Variants in MORC4 observed in about 807,000 individuals in gnomAD.
MORC4 encodes MORC family CW-type zinc finger protein 4.
Under a neutral mutation model 65.5 loss-of-function variants are expected in MORC4, and 22 were observed. The observed-to-expected ratio is 0.34, with a 90% confidence interval of 0.24 to 0.48. The LOEUF is 0.48. Among genes scored for constraint, MORC4 ranks in the 20% least tolerant of loss-of-function variants. The pLI, the probability that MORC4 is intolerant of heterozygous loss-of-function variation, is 0.99. For synonymous variants in MORC4, 267 were observed against 255.8 expected, an observed-to-expected ratio of 1.04 and a Z score of -0.42; for missense variants, 624 against 703.0, an observed-to-expected ratio of 0.89 and a Z score of 1.27.
rs1934065523 is a variant in MORC4, at chrX:106,954,874, A to G, written c.1685+39T>C. ...CTTACTCTACAGGAAAACAGACTCT[A>G]AAGCTTACTATTGACAAGAGATCAT... On this transcript the variant is annotated intron_variant, in intron 14 of 16. Coordinates refer to ENST00000355610, the MANE Select transcript of MORC4 (RefSeq NM_024657.5). 6 of 1,161,961 alleles carry G rather than the reference A, an allele frequency of 5.2e-6. No homozygotes were observed. In the East Asian group the frequency reaches 1.8e-4, roughly 35 times the overall value.
rs774384569 is a variant in MORC4 at position 106,958,470 on chromosome X, T to C, written c.1257-6A>G. The C allele has an allele frequency of 8.4e-7, 1 of 1,197,099 alleles. No individual in the cohort carries two copies. Among genetic ancestry groups the C allele is most frequent in the East Asian group, 3.0e-5 (1 of 33,266 alleles). On this transcript the variant is annotated splice_polypyrimidine_tract_variant and splice_region_variant and intron_variant, in intron 10 of 16. Coordinates refer to ENST00000355610, the MANE Select transcript of MORC4 (RefSeq NM_024657.5). ...ATGTCTGGTCAGGAACCTTCCTGAATGAAGGAAAATGGAAGTGTGACTGTG... is the reference window on the plus strand; with the variant it reads ...ATGTCTGGTCAGGAACCTTCCTGAACGAAGGAAAATGGAAGTGTGACTGTG...
chrX:106,955,351 C>A (rs765820733), intron 13 of MORC4, among the ~76,000 whole-genome samples: 2 of 109,803 alleles, frequency 1.8e-5, no homozygotes, highest in Non-Finnish European at 3.8e-5. Flanking sequence ...CAATATAAAC[C>A]CAGGCCCCCT....
intron 2 of MORC4, among the ~76,000 whole-genome samples, chrX:106,999,207 T>TCC (rs1935132098): frequency 9.0e-6 from 1 of 110,996 alleles, no homozygotes; most frequent in South Asian, 3.9e-4. Context: ...TTAAGAGATG[T>TCC]CCCATCATTC....
At chrX:106,985,681 A>G in intron 4 of MORC4, among the ~76,000 whole-genome samples, 1 of 91,541 alleles carries the variant, frequency 1.1e-5, no homozygotes, top group African/African-American at 6.2e-5. Flanking sequence ...CCTTAGGGGA[A>G]AAAAAAAAAA....
intron 2 of MORC4, among the ~76,000 whole-genome samples, chrX:106,998,017 G>C (rs1353852069): frequency 8.9e-6 from 1 of 112,334 alleles, no homozygotes; most frequent in Non-Finnish European, 1.9e-5. Context: ...TCCCCTACTA[G>C]AAGAGTGAAT....
In MORC4 at chrX:106,942,201, C is replaced by T; in HGVS notation, c.2397G>A (p.Glu799=). The T allele has an allele frequency of 8.3e-7, 1 of 1,206,633 alleles. No homozygotes were observed. Among genetic ancestry groups the T allele is most frequent in the Non-Finnish European group, 1.1e-6 (1 of 892,305 alleles). ...FQQKVEELEQ[E]RNHWQSEFKK... is the part of the protein sequence containing the mutation. ...TGAATTCAGACTGCCAGTGATTCCTCTCCTGTTCCAGCTCCTCCACCTGCA... is the reference window on the plus strand; with the variant it reads ...TGAATTCAGACTGCCAGTGATTCCTTTCCTGTTCCAGCTCCTCCACCTGCA... Residue 799 remains glutamate, a synonymous_variant, in exon 16 of 17, where the codon GAG becomes GAA. Coordinates refer to ENST00000355610, the MANE Select transcript of MORC4 (RefSeq NM_024657.5).
intron 7 of MORC4, among the ~76,000 whole-genome samples, 183 bp downstream of exon 7, chrX:106,980,708 T>C (rs1246423433): frequency 1.8e-5 from 2 of 111,519 alleles, no homozygotes; most frequent in African/African-American, 3.3e-5. Flanking sequence ...TGATTTCTGA[T>C]AAAAATGGTA....
intron 14 of MORC4, among the ~76,000 whole-genome samples, chrX:106,947,593 T>TATATA (rs1569295496): frequency 1.5e-4 from 12 of 80,040 alleles, no homozygotes; most frequent in African/African-American, 5.4e-4. Context: ...ATATATATAA[T>TATATA]ATATATATAT....
chrX:106,951,677 T>A (rs1244128667), intron 14 of MORC4, among the ~76,000 whole-genome samples: 1 of 111,151 alleles, frequency 9.0e-6, no homozygotes. Context: ...CCACTTTAAA[T>A]CTTATTTTGT....
At chrX:106,975,256 T>A (rs538329292) in intron 9 of MORC4, among the ~76,000 whole-genome samples, 1 of 112,044 alleles carries the variant, frequency 8.9e-6, no homozygotes, top group Non-Finnish European at 1.9e-5. Flanking sequence ...TTTCACTCAA[T>A]TGAAACATAA....
chrX:106,947,868 C>A (rs1484510457), intron 14 of MORC4, among the ~76,000 whole-genome samples: 1 of 107,273 alleles, frequency 9.3e-6, no homozygotes, highest in African/African-American at 3.4e-5. Flanking sequence ...ACAGACAATT[C>A]AACAATAATA....
At chrX:106,957,525 C>T (rs1934139860) in intron 11 of MORC4, among the ~76,000 whole-genome samples, 1 of 111,618 alleles carries the variant, frequency 9.0e-6, no homozygotes, top group Non-Finnish European at 1.9e-5. Flanking sequence ...CATTTTAGCA[C>T]CTTTCTATCA....
At chrX:106,953,642 C>T (rs767008983) in intron 14 of MORC4, among the ~76,000 whole-genome samples, 3 of 110,966 alleles carry the variant, frequency 2.7e-5, no homozygotes, top group African/African-American at 6.5e-5. Context: ...TCCAAGGCAC[C>T]GTTCTATTGG....
At chrX:106,970,627 G>A (rs902458291) in intron 9 of MORC4, among the ~76,000 whole-genome samples, 1 of 112,070 alleles carries the variant, frequency 8.9e-6, no homozygotes, top group African/African-American at 3.2e-5. Context: ...AGCAGTCTCA[G>A]AATACAAAAT....
At chrX:106,977,117 C>T (rs138322712) in intron 8 of MORC4, among the ~76,000 whole-genome samples, 112 of 111,814 alleles carry the variant, frequency 1.0e-3, no homozygotes, top group African/African-American at 3.4e-3. Context: ...CTGTGTGATC[C>T]TATATTAAAA....
In MORC4 at chrX:106,986,073, G is replaced by C. The variant is rs1371577648; in HGVS notation, c.436C>G (p.Leu146Val). ...ALVFTKNGGT[L>V]TVGLLSQTYL... Reference sequence around the variant, plus strand: ...GTCTGTGATAGAAGTCCAACAGTGAGAGTACCCCCATTCTTGGTGAAGACA... The same window carrying C: ...GTCTGTGATAGAAGTCCAACAGTGACAGTACCCCCATTCTTGGTGAAGACA... Residue 146 changes from leucine to valine, a missense_variant, in exon 4 of 17, where the codon CTC becomes GTC. Transcript: ENST00000355610. The C allele has an allele frequency of 3.3e-6, 4 of 1,210,534 alleles. No homozygotes were observed. The South Asian group carries it at 7.0e-5, about 21-fold the overall frequency.
At chrX:106,993,623 G>A (rs1935022748) in intron 2 of MORC4, among the ~76,000 whole-genome samples, 2 of 111,160 alleles carry the variant, frequency 1.8e-5, no homozygotes, top group South Asian at 7.6e-4. Flanking sequence ...CGAACTTCAG[G>A]GTCTTTGGAA....
intron 9 of MORC4, among the ~76,000 whole-genome samples, chrX:106,971,577 G>A (rs1244470371): frequency 8.9e-6 from 1 of 111,985 alleles, no homozygotes; most frequent in African/African-American, 3.3e-5. Flanking sequence ...TCTGACAAAC[G>A]GCTAATATCC....
chrX:106,964,208 C>T (rs1934320301), intron 9 of MORC4, among the ~76,000 whole-genome samples: 1 of 111,842 alleles, frequency 8.9e-6, no homozygotes, highest in Admixed American at 9.5e-5. Flanking sequence ...AAATCCAAAA[C>T]AAAGTCTGGA....
Sources: gnomAD v4.1 joint callset for allele counts (sites outside exome capture counted in the v4.1 genomes callset) on GRCh38, gnomAD v4.1.1 for gene constraint, MANE v1.5 for transcripts, NCBI Gene and HGNC (gene_info 2026-07-23, HGNC 2026-07-21) for gene names.